The following SYCP1 variants were observed in gnomAD, a reference collection of about 807,000 sequenced individuals.
The protein encoded by SYCP1 is synaptonemal complex protein 1.
SYCP1 carries 64 observed loss-of-function variants against 153.1 expected under a neutral mutation model. That is an observed-to-expected ratio of 0.42 (90% CI 0.34 to 0.51). The LOEUF is 0.51. Among genes scored for constraint, SYCP1 ranks in the 20% least tolerant of loss-of-function variants. The pLI is 0.06. For missense variants in SYCP1, 997 were observed against 1,049.0 expected (o/e 0.95, Z 0.68); for synonymous variants, 384 against 341.8 (o/e 1.12, Z -1.36).
Position 114,856,934 on chromosome 1 carries a change from A to C in SYCP1, c.193+277A>C, listed in dbSNP as rs1180539201. On this transcript the variant is annotated intron_variant, in intron 3 of 31. Coordinates refer to ENST00000369522, the MANE Select transcript of SYCP1 (RefSeq NM_003176.4). ...ACCCTGTCTGTACAAAAAAAAAAAAAAAAAAAAAAAACCAGCAAACAAACC... is the reference window on the plus strand; with the variant it reads ...ACCCTGTCTGTACAAAAAAAAAAAACAAAAAAAAAAACCAGCAAACAAACC... Among the ~76,000 whole-genome samples the C allele has an allele frequency of 9.1e-4, 133 of 146,898 alleles. 3 individuals carry two copies. The highest frequency in any genetic ancestry group is 3.2e-3 in the African/African-American group (128 of 40,440).
At chr1:114,985,996 C>T (rs1293095430) in intron 30 of SYCP1, among the ~76,000 whole-genome samples, 2 of 151,086 alleles carry the variant, frequency 1.3e-5, no homozygotes, top group Non-Finnish European at 1.5e-5. Context: ...ATAGTGTTTA[C>T]ATTGTATTGG....
At chr1:114,945,931 G>A (rs1670678350) in intron 25 of SYCP1, among the ~76,000 whole-genome samples, 1 of 152,062 alleles carries the variant, frequency 6.6e-6, no homozygotes, top group Non-Finnish European at 1.5e-5. Context: ...TTTAAGGCTT[G>A]TATTTCCTGT....
chr1:114,938,262 C>T (rs1416680173), intron 23 of SYCP1, among the ~76,000 whole-genome samples: 7 of 152,050 alleles, frequency 4.6e-5, no homozygotes, highest in African/African-American at 1.7e-4. Context: ...ATGGATGAAG[C>T]TGGAAACCAT....
intron 20 of SYCP1, among the ~76,000 whole-genome samples, chr1:114,916,902 G>A (rs917214887): frequency 2.0e-5 from 3 of 151,616 alleles, no homozygotes; most frequent in Non-Finnish European, 4.4e-5. Context: ...TAAGTATGGG[G>A]TATATAAGAC....
chr1:114,954,730 G>A (rs1459951271), intron 27 of SYCP1, among the ~76,000 whole-genome samples: 1 of 151,946 alleles, frequency 6.6e-6, no homozygotes. Flanking sequence ...ACAGGCACAC[G>A]CCGCCATGCC....
At chr1:114,922,082 T>C (rs1321661824) in intron 20 of SYCP1, among the ~76,000 whole-genome samples, 4 of 152,192 alleles carry the variant, frequency 2.6e-5, no homozygotes, top group Non-Finnish European at 4.4e-5. Flanking sequence ...CTTTGTGAGT[T>C]TGATTTTTAA....
chr1:114,987,336 C>T (rs11803890), intron 30 of SYCP1, among the ~76,000 whole-genome samples: 3 of 151,860 alleles, frequency 2.0e-5, no homozygotes, highest in African/African-American at 7.3e-5. Context: ...AATCTTATTT[C>T]CAGAGTTACC....
At chr1:114,915,096 A>G (rs980263266) in intron 20 of SYCP1, among the ~76,000 whole-genome samples, 1 of 152,044 alleles carries the variant, frequency 6.6e-6, no homozygotes, top group Non-Finnish European at 1.5e-5. Flanking sequence ...TAAAAAAAAA[A>G]CAAACTAAAA....
At chr1:114,964,317 G>C (rs1557837486) in intron 27 of SYCP1, among the ~76,000 whole-genome samples, 1 of 152,140 alleles carries the variant, frequency 6.6e-6, no homozygotes, top group Non-Finnish European at 1.5e-5. Context: ...CTCCCATTCT[G>C]TAGGTTGCCT....
chr1:114,968,377 C>T (rs1457820823), intron 27 of SYCP1, among the ~76,000 whole-genome samples: 3 of 152,124 alleles, frequency 2.0e-5, no homozygotes, highest in African/African-American at 7.2e-5. Flanking sequence ...TTGTTCATTC[C>T]TTTCATTCTG....
intron 22 of SYCP1, 25 bp downstream of exon 22, chr1:114,926,365 C>A: frequency 6.6e-7 from 1 of 1,513,288 alleles, no homozygotes; most frequent in South Asian, 1.3e-5. Context: ...TAAATATTCT[C>A]AAAATCAAAC....
intron 28 of SYCP1, among the ~76,000 whole-genome samples, chr1:114,981,024 T>C (rs1360391326): frequency 6.6e-6 from 1 of 151,850 alleles, no homozygotes; most frequent in East Asian, 1.9e-4. Context: ...TATAAATGAG[T>C]CCATGTGGTA....
In SYCP1 at chr1:114,911,577, C is replaced by G; in HGVS notation, c.1524C>G (p.Asn508Lys). ...EVKDLKTELE[N>K]EKLKNTELTS... is the part of the protein sequence containing the mutation. The stretch of plus-strand genomic sequence containing the variant: ...AAGATCTAAAAACTGAGCTTGAAAA[C>G]GAGAAGTATGTTTTCCATTTATCTA... The change falls in exon 18 of 32, where the codon AAC (asparagine) becomes AAG (lysine). Residue 508 changes from asparagine to lysine, a missense_variant. Transcript: ENST00000369522. 1 of 1,483,778 alleles carries G rather than the reference C, an allele frequency of 6.7e-7. No homozygotes were observed. Among genetic ancestry groups the G allele is most frequent in the Non-Finnish European group, 9.0e-7 (1 of 1,114,882 alleles). The allele number at this position is 1,483,778 out of a possible 1,614,324, so 91.9% of individuals were successfully genotyped here.
intron 23 of SYCP1, among the ~76,000 whole-genome samples, chr1:114,937,459 C>T (rs1433777477): frequency 3.9e-5 from 6 of 152,162 alleles, no homozygotes; most frequent in Non-Finnish European, 5.9e-5. Context: ...AAAACCTAGG[C>T]GATACCATTC....
intron 23 of SYCP1, among the ~76,000 whole-genome samples, chr1:114,937,114 T>C (rs1407248340): frequency 6.6e-6 from 1 of 152,220 alleles, no homozygotes; most frequent in East Asian, 1.9e-4. Flanking sequence ...AGAACAAAGC[T>C]GGAGGCATCA....
rs142480069 is a variant in SYCP1, at chr1:114,936,015, C to T, written c.1927-8324C>T. Among the ~76,000 whole-genome samples the T allele has an allele frequency of 4.9e-3, 750 of 152,138 alleles. 8 individuals carry two copies. The highest frequency in any genetic ancestry group is 0.017 in the African/African-American group (699 of 41,472). ...CCATTCCTTCTGAAACTATTCCAATCGATAGAAAAAGAGGGAATCCTCCCT... is the reference window on the plus strand; with the variant it reads ...CCATTCCTTCTGAAACTATTCCAATTGATAGAAAAAGAGGGAATCCTCCCT... On this transcript the variant is annotated intron_variant, in intron 23 of 31. Transcript: ENST00000369522.
At chr1:114,887,554 G>C in intron 14 of SYCP1, 72 bp from the exon 15 acceptor site, 1 of 1,000,878 alleles carries the variant, frequency 1.0e-6, no homozygotes, top group Non-Finnish European at 1.5e-6. Context: ...TTGCTAAATT[G>C]CACCAATTTT....
intron 27 of SYCP1, among the ~76,000 whole-genome samples, chr1:114,950,360 C>T (rs931211641): frequency 1.3e-5 from 2 of 152,152 alleles, no homozygotes; most frequent in Non-Finnish European, 2.9e-5. Flanking sequence ...GTTGTTACTA[C>T]AGTGTAATTT....
At chr1:114,894,368 G>C (rs1666922569) in intron 15 of SYCP1, among the ~76,000 whole-genome samples, 1 of 152,170 alleles carries the variant, frequency 6.6e-6, no homozygotes, top group Admixed American at 6.5e-5. Flanking sequence ...ACCCTTAACA[G>C]TGAGGAAGGA....
Sources: gnomAD v4.1 joint callset for allele counts (sites outside exome capture counted in the v4.1 genomes callset) on GRCh38, gnomAD v4.1.1 for gene constraint, MANE v1.5 for transcripts, NCBI Gene and HGNC (gene_info 2026-07-23, HGNC 2026-07-21) for gene names.